RPRD2: variants seen among roughly 807,000 people sequenced by gnomAD.
RPRD2 encodes the protein regulation of nuclear pre-mRNA domain containing 2.
A neutral mutation model predicts 104.4 loss-of-function variants in RPRD2; 12 were observed. That is an observed-to-expected ratio of 0.11 (90% confidence interval 0.07 to 0.19). The LOEUF (loss-of-function observed/expected upper bound fraction) is 0.19. Among genes scored for constraint, RPRD2 ranks in the 10% least tolerant of loss-of-function variants. RPRD2 has a pLI of 1.00. For missense variants in RPRD2, 1,543 were observed against 1,790.1 expected (o/e 0.86, Z 2.49); for synonymous variants, 714 against 684.9 (o/e 1.04, Z -0.66).
intron 6 of RPRD2, 26 bp downstream of exon 6, chr1:150,444,403 A>C: frequency 5.6e-6 from 9 of 1,602,990 alleles, no homozygotes; most frequent in Non-Finnish European, 7.7e-6. Context: ...TTTTAGAGTA[A>C]GTCAGATTTT....
intron 1 of RPRD2, among the ~76,000 whole-genome samples, chr1:150,385,197 C>G (rs1661473821): frequency 6.6e-6 from 1 of 152,104 alleles, no homozygotes; most frequent in South Asian, 2.1e-4. Flanking sequence ...TGCGGTGGCT[C>G]ATGCCTGTAA....
chr1:150,405,350 A>G (rs1560174923), intron 1 of RPRD2, among the ~76,000 whole-genome samples: 1 of 152,212 alleles, frequency 6.6e-6, no homozygotes. Flanking sequence ...AAGTCAGTAC[A>G]TAAAATGAAA....
chr1:150,424,087 C>T (rs1343575359), intron 2 of RPRD2, among the ~76,000 whole-genome samples: 7 of 152,146 alleles, frequency 4.6e-5, no homozygotes, highest in South Asian at 4.1e-4. Context: ...CCACAGCACC[C>T]GGCCAGTTGA....
Position 150,450,208 on chromosome 1 carries a change from T to A in RPRD2, c.870+3807T>A, listed in dbSNP as rs587758215. Among the ~76,000 whole-genome samples the A allele has an allele frequency of 1.4e-4, 21 of 152,318 alleles. No individual in the cohort carries two copies. In the South Asian group the frequency reaches 2.9e-3, roughly 21 times the overall value. On this transcript the variant is annotated intron_variant, in intron 7 of 10. Coordinates refer to ENST00000369068, the MANE Select transcript of RPRD2 (RefSeq NM_015203.5). ...GTCCAGTATGAAGACCTTTTTTTCC[T>A]GAATTATTTGAAAATAAGTTGCTTG...
intron 2 of RPRD2, among the ~76,000 whole-genome samples, chr1:150,420,333 C>G: frequency 6.6e-6 from 1 of 151,910 alleles, no homozygotes; most frequent in Non-Finnish European, 1.5e-5. Flanking sequence ...GTGAGAAGGA[C>G]ATAATCTCGG....
At chr1:150,453,792 T>C (rs587680856) in intron 7 of RPRD2, among the ~76,000 whole-genome samples, 1 of 152,214 alleles carries the variant, frequency 6.6e-6, no homozygotes, top group Non-Finnish European at 1.5e-5. Context: ...TGCTGAACAT[T>C]AAAAGATTAT....
At chr1:150,462,549 T>TTTTA (rs1189724325) in intron 9 of RPRD2, among the ~76,000 whole-genome samples, 6 of 152,050 alleles carry the variant, frequency 3.9e-5, no homozygotes, top group African/African-American at 9.6e-5. Flanking sequence ...GGAATTTTAT[T>TTTTA]TTTATTTATT....
At chr1:150,438,960 G>A (rs1488591373) in intron 2 of RPRD2, among the ~76,000 whole-genome samples, 1 of 151,996 alleles carries the variant, frequency 6.6e-6, no homozygotes, top group Non-Finnish European at 1.5e-5. Flanking sequence ...TCAGCGTCCC[G>A]AGTAGCTGGG....
chr1:150,396,457 T>C (rs782724874), intron 1 of RPRD2, among the ~76,000 whole-genome samples: 1 of 152,176 alleles, frequency 6.6e-6, no homozygotes, highest in Non-Finnish European at 1.5e-5. Context: ...GTTTTTCCAT[T>C]GTTATCTTCT....
chr1:150,366,559 C>G (rs1227074995), intron 1 of RPRD2, among the ~76,000 whole-genome samples: 1 of 152,086 alleles, frequency 6.6e-6, no homozygotes, highest in Non-Finnish European at 1.5e-5. Context: ...TGCTATGTGC[C>G]CAGTCATCTC....
intron 1 of RPRD2, among the ~76,000 whole-genome samples, chr1:150,401,700 GT>G (rs1183411906): frequency 6.6e-6 from 1 of 151,172 alleles, no homozygotes; most frequent in Non-Finnish European, 1.5e-5. Context: ...CTGGAGTGCA[GT>G]GGCGCAATCT....
intron 1 of RPRD2, among the ~76,000 whole-genome samples, chr1:150,403,344 C>G (rs78914867): frequency 1.3e-5 from 2 of 152,064 alleles, no homozygotes; most frequent in Non-Finnish European, 2.9e-5. Context: ...AACATTGTTA[C>G]GCAGCCATCA....
chr1:150,436,383 C>T (rs1665991100), intron 2 of RPRD2, among the ~76,000 whole-genome samples: 2 of 147,344 alleles, frequency 1.4e-5, no homozygotes, highest in Admixed American at 6.8e-5. Flanking sequence ...AGGCAGATCA[C>T]GAGGTCGGGA....
At chr1:150,374,676 T>C (rs1660569699) in intron 1 of RPRD2, among the ~76,000 whole-genome samples, 1 of 152,134 alleles carries the variant, frequency 6.6e-6, no homozygotes, top group Non-Finnish European at 1.5e-5. Flanking sequence ...CTCTCATACA[T>C]TTGGTCAAAG....
At chr1:150,379,165 C>T (rs587719262) in intron 1 of RPRD2, among the ~76,000 whole-genome samples, 1 of 150,946 alleles carries the variant, frequency 6.6e-6, no homozygotes, top group South Asian at 2.1e-4. Flanking sequence ...CGCCTGTAAT[C>T]CCAGCTACTC....
chr1:150,413,218 G>A (rs1473615538), intron 1 of RPRD2, among the ~76,000 whole-genome samples: 2 of 152,084 alleles, frequency 1.3e-5, no homozygotes, highest in Admixed American at 1.3e-4. Context: ...TTTATTAATA[G>A]GTGTAGGGGG....
Position 150,470,624 on chromosome 1 carries a change from A to G in RPRD2, c.1676A>G (p.Gln559Arg), listed in dbSNP as rs1196525462. The G allele has an allele frequency of 1.2e-6, 2 of 1,613,842 alleles. No individual in the cohort carries two copies. Among genetic ancestry groups the G allele is most frequent in the Non-Finnish European group, 1.7e-6 (2 of 1,179,870 alleles). Residue 559 changes from glutamine (Q) to arginine (R), a missense_variant, in exon 11 of 11, where the codon CAG becomes CGG. Transcript: ENST00000369068. ...NPVPASEAASQSTSASPANTT... is the reference protein window; with the variant it reads ...NPVPASEAASRSTSASPANTT... ...GTTCCAGCCAGTGAAGCTGCCTCAC[A>G]GAGCACTTCAGCCTCCCCTGCCAAC...
At chr1:150,402,107 C>T (rs931861289) in intron 1 of RPRD2, among the ~76,000 whole-genome samples, 1 of 151,906 alleles carries the variant, frequency 6.6e-6, no homozygotes, top group Non-Finnish European at 1.5e-5. Flanking sequence ...TACAGACTCC[C>T]ACCACCACAC....
intron 1 of RPRD2, among the ~76,000 whole-genome samples, chr1:150,383,040 T>G (rs1661253228): frequency 6.6e-6 from 1 of 152,066 alleles, no homozygotes; most frequent in African/African-American, 2.4e-5. Context: ...TCACCCAGTC[T>G]GGGGTGCAGT....
Sources: allele counts gnomAD v4.1 joint callset (sites outside exome capture counted in the v4.1 genomes callset), GRCh38; gene constraint gnomAD v4.1.1; transcripts MANE v1.5; gene names NCBI Gene and HGNC (gene_info 2026-07-23, HGNC 2026-07-21).